Variants in GRM4 observed in about 807,000 individuals in gnomAD.
GRM4 encodes the protein glutamate metabotropic receptor 4.
A neutral mutation model predicts 81.7 loss-of-function variants in GRM4; 28 were observed. The ratio of observed to expected loss-of-function variants is 0.34; its 90% CI spans 0.25 to 0.47. The LOEUF (loss-of-function observed/expected upper bound fraction) is 0.47, where lower values mean the gene tolerates loss of function less well. GRM4 is among the 20% of genes least tolerant of loss of function. The pLI is 1.00. For synonymous variants in GRM4, 488 were observed against 528.8 expected (o/e 0.92, Z 1.06); for missense variants, 948 against 1,290.0 (o/e 0.73, Z 4.06).
chr6:34,023,420 A>G (rs1763985650), intron 10 of GRM4, among the ~76,000 whole-genome samples: 1 of 152,216 alleles, frequency 6.6e-6, no homozygotes, highest in South Asian at 2.1e-4. Context: ...AGAGTGGGGA[A>G]CAGGGACAGA....
chr6:34,106,077 C>T (rs770838208), intron 2 of GRM4: 1 of 152,204 alleles, frequency 6.6e-6, no homozygotes, highest in Non-Finnish European at 1.5e-5. Context: ...CTAGAGGAAC[C>T]CGATTAAAAC....
intron 3 of GRM4, among the ~76,000 whole-genome samples, chr6:34,085,082 G>A (rs747522199): frequency 2.0e-5 from 3 of 152,212 alleles, no homozygotes; most frequent in Non-Finnish European, 2.9e-5. Flanking sequence ...CTGGGGCTGG[G>A]AACGTGCCCA....
At chr6:34,134,752 GC>G (rs1232420916) in intron 1 of GRM4, among the ~76,000 whole-genome samples, 1 of 151,488 alleles carries the variant, frequency 6.6e-6, no homozygotes, top group Non-Finnish European at 1.5e-5. Context: ...CCCTCTGAGA[GC>G]GGGGCTCGGG....
intron 4 of GRM4, chr6:34,060,246 C>G (rs915506709): frequency 1.3e-5 from 2 of 152,258 alleles, no homozygotes; most frequent in Non-Finnish European, 2.9e-5. Flanking sequence ...GTAGCCCCCC[C>G]GCACCCTAGG....
At position 34,133,881 on chromosome 6, in the gene GRM4, G is replaced by A. The variant is rs1770350261; in HGVS notation, c.-363-22C>T. Reference sequence around the variant, plus strand: ...CAACCTTAGAAGGGGAAGAGAGAGAGAGAATATCAAACAGAAGCCCAAAGA... The same window carrying A: ...CAACCTTAGAAGGGGAAGAGAGAGAAAGAATATCAAACAGAAGCCCAAAGA... On this transcript the variant is annotated intron_variant, in intron 1 of 10. Transcript: ENST00000538487. This position sits in a 1 kb window ranked among gnomAD's most constrained non-coding sequence, Gnocchi z 6.5. 3.0e-6 allele frequency: 3 copies of A among 1,016,522 alleles called. No homozygotes were observed. Among genetic ancestry groups the A allele is most frequent in the East Asian group, 8.2e-5 (1 of 12,234 alleles). The allele number at this position is 1,016,522 out of a possible 1,614,324, so 63.0% of individuals were successfully genotyped here.
chr6:34,100,022 G>C, intron 2 of GRM4: 1 of 978,786 alleles, frequency 1.0e-6, no homozygotes. Flanking sequence ...TCATTAATCA[G>C]ATCTATTCCT....
intron 3 of GRM4, 54 bp downstream of exon 3, chr6:34,091,829 G>T: frequency 7.5e-7 from 1 of 1,339,590 alleles, no homozygotes; most frequent in Non-Finnish European, 1.1e-6. Flanking sequence ...GTCAGTCACT[G>T]TGCCGGGACA....
chr6:34,108,393 G>T (rs547481953), intron 2 of GRM4, among the ~76,000 whole-genome samples: 43 of 152,372 alleles, frequency 2.8e-4, no homozygotes, highest in African/African-American at 8.9e-4. Context: ...AGACAGAGCT[G>T]CTAGCGCCTA....
chr6:34,135,808 G>C (rs756180743), intron 1 of GRM4, among the ~76,000 whole-genome samples: 1 of 152,238 alleles, frequency 6.6e-6, no homozygotes, highest in Non-Finnish European at 1.5e-5. Context: ...AGCCATAGAC[G>C]AATCTCATGG....
chr6:34,141,964 G>A lies in GRM4; in HGVS notation c.-364+4036C>T, dbSNP rs576612073. Among the ~76,000 whole-genome samples, 6 of 152,294 alleles carry A rather than the reference G, an allele frequency of 3.9e-5. No individual in the cohort carries two copies. In the South Asian group the frequency reaches 6.2e-4, roughly 16 times the overall value. ...GAGAGAGGAGAGACATAAACAGCTC[G>A]CAGGACCAAGAAAAAGCAGCCTGCA... is the stretch of plus-strand genomic sequence containing the variant. On this transcript the variant is annotated intron_variant, in intron 1 of 10. Transcript: ENST00000538487.
chr6:34,057,873 C>T (rs1432230494), intron 5 of GRM4, among the ~76,000 whole-genome samples: 2 of 152,144 alleles, frequency 1.3e-5, no homozygotes, highest in African/African-American at 2.4e-5. Flanking sequence ...TGTAAGGGGC[C>T]TGGCACTGGT....
Position 34,081,658 on chromosome 6 carries a change from C to T in GRM4, c.736+10225G>A, listed in dbSNP as rs142049704. 4.8e-4 allele frequency among the ~76,000 whole-genome samples: 73 copies of T among 152,306 alleles called. No homozygotes were observed. In the East Asian group the frequency reaches 0.013, roughly 27 times the overall value. ...GTAGAGGGTGGGGCTGAGAGTGGGA[C>T]GCAGGCTGCTGGACATCCCCGCCCC... On this transcript the variant is annotated intron_variant, in intron 3 of 10. Coordinates refer to ENST00000538487, the MANE Select transcript of GRM4 (RefSeq NM_000841.4).
chr6:34,095,197 G>A (rs151294596), intron 2 of GRM4, among the ~76,000 whole-genome samples: 517 of 152,272 alleles, frequency 3.4e-3, no homozygotes, highest in South Asian at 7.2e-3. Context: ...TAATTCCTGA[G>A]ACACTAGAAC....
At chr6:34,143,287 C>T (rs914077264) in intron 1 of GRM4, among the ~76,000 whole-genome samples, 15 of 152,194 alleles carry the variant, frequency 9.9e-5, no homozygotes, top group African/African-American at 2.2e-4. Context: ...AGGCACCATC[C>T]TCAAAGCCCC....
At chr6:34,025,528 A>G (rs971469639) in intron 10 of GRM4, among the ~76,000 whole-genome samples, 5 of 152,108 alleles carry the variant, frequency 3.3e-5, no homozygotes, top group Admixed American at 2.0e-4. Context: ...GCTCTCCTCT[A>G]ATGCCCTACC....
intron 1 of GRM4, among the ~76,000 whole-genome samples, chr6:34,151,388 A>G (rs2127521542): frequency 6.6e-6 from 1 of 152,196 alleles, no homozygotes; most frequent in South Asian, 2.1e-4. Flanking sequence ...GCCTCGCTGC[A>G]ATTTAAAACA....
intron 2 of GRM4, among the ~76,000 whole-genome samples, chr6:34,116,931 G>A (rs542984044): frequency 4.6e-5 from 7 of 152,188 alleles, no homozygotes; most frequent in Non-Finnish European, 7.3e-5. Context: ...CTTGCTGCAC[G>A]ATTCTGTTAC....
intron 6 of GRM4, among the ~76,000 whole-genome samples, chr6:34,041,414 T>C (rs1581603337): frequency 1.3e-5 from 2 of 152,282 alleles, no homozygotes; most frequent in Admixed American, 1.3e-4. Context: ...TAAGTGAACT[T>C]TGCAAACTGA....
In GRM4 at chr6:34,059,176, C is replaced by G. The variant is rs767663140; in HGVS notation, c.873-48G>C. ...AGCCCAGCCGCGTCTGTCCACGAAA[C>G]TGCCCCCACTCCTGGCCACACTTGC... On this transcript the variant is annotated intron_variant, in intron 4 of 10. Transcript: ENST00000538487. The surrounding 1 kb of genome is among the most constrained non-coding windows in gnomAD (Gnocchi z 5.7). 2.5e-6 allele frequency: 4 copies of G among 1,575,956 alleles called. No homozygotes were observed. In the South Asian group the frequency reaches 3.3e-5, roughly 13 times the overall value.
Sources: allele counts gnomAD v4.1 joint callset (sites outside exome capture counted in the v4.1 genomes callset), GRCh38; gene constraint gnomAD v4.1.1; non-coding constraint Gnocchi (gnomAD v3.1); transcripts MANE v1.5; gene names NCBI Gene and HGNC (gene_info 2026-07-23, HGNC 2026-07-21).